The following TNFSF4 variants were observed in gnomAD, a reference collection of about 807,000 sequenced individuals.
The protein encoded by TNFSF4 is TNF superfamily member 4.
TNFSF4 carries 4 observed loss-of-function variants against 7.3 expected under a neutral mutation model. The observed-to-expected ratio is 0.55, with a 90% CI of 0.27 to 1.25. The LOEUF (loss-of-function observed/expected upper bound fraction) is 1.25, where lower values mean the gene tolerates loss of function less well. Ranked by LOEUF, TNFSF4 falls within the 50% of genes most tolerant of loss-of-function variation. The pLI, the probability that TNFSF4 is intolerant of heterozygous loss-of-function variation, is 0.12. For missense variants in TNFSF4, 181 were observed against 208.8 expected (o/e 0.87, Z 0.82); for synonymous variants, 76 against 83.7 (o/e 0.91, Z 0.50).
At chr1:173,296,602 G>T in the TNFSF4 span, among the ~76,000 whole-genome samples, 2 of 151,914 alleles carry the variant, frequency 1.3e-5, no homozygotes, top group African/African-American at 4.8e-5. Context: ...GGTTGAGTGA[G>T]GGGTAGGGAG....
At chr1:173,302,751 CT>C in the TNFSF4 span, among the ~76,000 whole-genome samples, 125,187 of 150,090 alleles carry the variant, frequency 0.83, 52,219 homozygotes, top group East Asian at 0.95. Flanking sequence ...TCAACTCTTT[CT>C]TTTTTTTTTT....
At chr1:173,314,402 A>G in the TNFSF4 span, among the ~76,000 whole-genome samples, 2 of 152,138 alleles carry the variant, frequency 1.3e-5, no homozygotes, top group Non-Finnish European at 2.9e-5. Flanking sequence ...CCATGAGAAT[A>G]CTTGCTAGCC....
At chr1:173,180,824 G>A (rs901566501), downstream of TNFSF4, among the ~76,000 whole-genome samples, 3 of 152,058 alleles carry the variant, frequency 2.0e-5, no homozygotes, top group African/African-American at 7.2e-5. Context: ...TGTGTGTTAG[G>A]GATACGATGA....
the TNFSF4 span, among the ~76,000 whole-genome samples, chr1:173,438,946 C>T: frequency 6.6e-6 from 1 of 152,228 alleles, no homozygotes; most frequent in Non-Finnish European, 1.5e-5. Context: ...ACATAAAGCA[C>T]AACCCTCATC....
downstream of TNFSF4, among the ~76,000 whole-genome samples, chr1:173,179,144 C>T (rs35474801): frequency 1.9e-4 from 29 of 152,256 alleles, no homozygotes; most frequent in Middle Eastern, 3.4e-3. Flanking sequence ...TTGTTTTAAG[C>T]CACTTCGTTC....
the TNFSF4 span, among the ~76,000 whole-genome samples, chr1:173,377,038 C>T: frequency 6.6e-6 from 1 of 152,180 alleles, no homozygotes; most frequent in African/African-American, 2.4e-5. Flanking sequence ...ACTCTGGACA[C>T]ATCTGAACAT....
At chr1:173,323,040 G>C in the TNFSF4 span, among the ~76,000 whole-genome samples, 1 of 152,174 alleles carries the variant, frequency 6.6e-6, no homozygotes, top group South Asian at 2.1e-4. Flanking sequence ...AGAGAGTAGT[G>C]GTTCTCCCAG....
chr1:173,240,786 C>T, the TNFSF4 span, among the ~76,000 whole-genome samples: 11 of 152,342 alleles, frequency 7.2e-5, no homozygotes, highest in Non-Finnish European at 1.3e-4. Flanking sequence ...CCTGTTCACA[C>T]TGTCCCCAGC....
rs535441509 is a variant in TNFSF4 at position 173,185,132 on chromosome 1, C to T, written c.*1384G>A. The T allele has an allele frequency of 6.6e-6, 1 of 152,250 alleles. No homozygotes were observed. The highest frequency in any genetic ancestry group is 1.5e-5 in the Non-Finnish European group (1 of 68,012). The allele number at this position is 152,250 out of a possible 1,614,324, so 9.4% of individuals were successfully genotyped here. ...CAATTCCTTGATAACACAGAATCAT[C>T]CAGAAAGATTCTGTGATGTTGTATC... is the stretch of plus-strand genomic sequence containing the variant. On this transcript the variant is annotated 3_prime_UTR_variant, in exon 3 of 3. Transcript: ENST00000281834.
the TNFSF4 span, among the ~76,000 whole-genome samples, chr1:173,450,391 G>C: frequency 6.6e-6 from 1 of 152,006 alleles, no homozygotes; most frequent in Non-Finnish European, 1.5e-5. Flanking sequence ...ATCTCTTCCA[G>C]ATAAAGAAGA....
chr1:173,375,220 G>C, the TNFSF4 span, among the ~76,000 whole-genome samples: 5 of 152,116 alleles, frequency 3.3e-5, no homozygotes, highest in South Asian at 1.0e-3. Flanking sequence ...CTTATAAATG[G>C]AACCCCAAAT....
the TNFSF4 span, among the ~76,000 whole-genome samples, chr1:173,312,122 C>T: frequency 0.049 from 7,503 of 152,096 alleles, 270 homozygotes; most frequent in East Asian, 0.11. Flanking sequence ...TAAGATAAGT[C>T]TTAGAAGAAA....
the TNFSF4 span, among the ~76,000 whole-genome samples, chr1:173,386,811 G>C: frequency 5.9e-5 from 9 of 152,246 alleles, no homozygotes; most frequent in African/African-American, 2.2e-4. Context: ...CAGAAGACGG[G>C]ATATGGAGTC....
the TNFSF4 span, among the ~76,000 whole-genome samples, chr1:173,281,388 G>T: frequency 6.6e-6 from 1 of 152,034 alleles, no homozygotes; most frequent in Non-Finnish European, 1.5e-5. Context: ...TAGGCAAGTT[G>T]TTCCATAAAT....
chr1:173,352,223 G>A, the TNFSF4 span, among the ~76,000 whole-genome samples: 356 of 152,206 alleles, frequency 2.3e-3, 5 homozygotes, highest in African/African-American at 8.1e-3. Flanking sequence ...TCTCAGGAGC[G>A]GGGACACCTT....
chr1:173,322,629 T>C, the TNFSF4 span, among the ~76,000 whole-genome samples: 4 of 152,102 alleles, frequency 2.6e-5, no homozygotes, highest in African/African-American at 9.7e-5. Context: ...GGGAATTCCC[T>C]TTCCTAGTCA....
At chr1:173,396,179 C>T in the TNFSF4 span, among the ~76,000 whole-genome samples, 2 of 152,136 alleles carry the variant, frequency 1.3e-5, no homozygotes, top group African/African-American at 4.8e-5. Flanking sequence ...CTCATTTATA[C>T]AGTCACAAAT....
At chr1:173,258,749 C>G in the TNFSF4 span, among the ~76,000 whole-genome samples, 1 of 152,162 alleles carries the variant, frequency 6.6e-6, no homozygotes, top group Non-Finnish European at 1.5e-5. Flanking sequence ...CAGATTGACT[C>G]TTTAGGTGGG....
chr1:173,208,983 C>A (rs904832540), upstream of TNFSF4, among the ~76,000 whole-genome samples: 1 of 151,852 alleles, frequency 6.6e-6, no homozygotes, highest in Non-Finnish European at 1.5e-5. Flanking sequence ...AAACATTTAC[C>A]ATGCACATAC....
Sources: allele counts gnomAD v4.1 joint callset (sites outside exome capture counted in the v4.1 genomes callset), GRCh38; gene constraint gnomAD v4.1.1; transcripts MANE v1.5; gene names NCBI Gene and HGNC (gene_info 2026-07-23, HGNC 2026-07-21).